The following HEXB variants were observed in gnomAD, a reference collection of about 807,000 sequenced individuals.
The protein encoded by HEXB is beta-hexosaminidase subunit beta.
HEXB carries 51 observed loss-of-function variants against 71.2 expected under a neutral mutation model. The ratio of observed to expected loss-of-function variants is 0.72; its 90% CI spans 0.57 to 0.90. The LOEUF (loss-of-function observed/expected upper bound fraction) is 0.90. HEXB is among the 40% of genes least tolerant of loss of function. HEXB has a pLI of 0.00. For missense variants in HEXB, 617 were observed against 677.0 expected (o/e 0.91, Z 0.98); for synonymous variants, 266 against 249.3 (o/e 1.07, Z -0.63).
intron 5 of HEXB, among the ~76,000 whole-genome samples, chr5:74,704,254 A>C (rs188720166): frequency 6.6e-6 from 1 of 152,288 alleles, no homozygotes; most frequent in East Asian, 1.9e-4. Flanking sequence ...ATTTATCTGC[A>C]CAATCCCCTT....
chr5:74,689,146 C>T (rs921521923), intron 1 of HEXB, among the ~76,000 whole-genome samples, 182 bp from the exon 2 acceptor site: 4 of 152,116 alleles, frequency 2.6e-5, no homozygotes, highest in African/African-American at 7.2e-5. Context: ...AAGGCATGGA[C>T]GTTGGGATTT....
chr5:74,670,348 G>A (rs1167415984), intron 1 of HEXB, among the ~76,000 whole-genome samples: 1 of 151,880 alleles, frequency 6.6e-6, no homozygotes, highest in Non-Finnish European at 1.5e-5. Context: ...CTTCAGGCGG[G>A]GGACCACCCT....
chr5:74,651,287 T>C (rs1489715754), intron 1 of HEXB, among the ~76,000 whole-genome samples: 1 of 152,220 alleles, frequency 6.6e-6, no homozygotes, highest in Non-Finnish European at 1.5e-5. Context: ...TTAGACTACC[T>C]CTGTCTTTTC....
chr5:74,641,786 C>T lies in HEXB; in HGVS notation c.-377+1228C>T, dbSNP rs909878813. ...TTCCACTGGGAGTTAAAATATCTGT[C>T]TTTTATTCGGTATTTGGAGCTAAGT... is the stretch of plus-strand genomic sequence containing the variant. On this transcript the variant is annotated intron_variant, in intron 1 of 13. Coordinates refer to the HEXB transcript ENST00000511181. This position sits in a 1 kb window ranked among gnomAD's most constrained non-coding sequence, Gnocchi z 4.1. Among the ~76,000 whole-genome samples, 1 of 152,130 alleles carries T rather than the reference C, an allele frequency of 6.6e-6. No homozygotes were observed. Among genetic ancestry groups the T allele is most frequent in the Non-Finnish European group, 1.5e-5 (1 of 68,012 alleles).
At position 74,715,628 on chromosome 5, in the gene HEXB, TAGTG is replaced by T. The variant is rs776476415; in HGVS notation, c.1023_1026del (p.Ser341ArgfsTer30). Reference sequence around the variant, plus strand: ...TCCTTACTACATTTTTCAAAGAAATTAGTGAGGTGTTTCCAGATCAATTCATTCA... The same window carrying T: ...TCCTTACTACATTTTTCAAAGAAATTAGGTGTTTCCAGATCAATTCATTCA... On this transcript the variant is annotated frameshift_variant, in exon 8 of 14. Transcript: ENST00000261416. LOFTEE classifies it high-confidence loss of function. 24 of 1,610,400 alleles carry T rather than the reference TAGTG, an allele frequency of 1.5e-5. No individual in the cohort carries two copies. In the Admixed American group the frequency reaches 2.5e-4, roughly 17 times the overall value.
At chr5:74,693,508 G>C in intron 2 of HEXB, 131 bp from the exon 3 acceptor site, 1 of 740,658 alleles carries the variant, frequency 1.4e-6, no homozygotes, top group Non-Finnish European at 2.4e-6. Context: ...ACAGGAGGCA[G>C]TTAGAGAAAT....
At position 74,685,419 on chromosome 5, in the gene HEXB, G is replaced by A. The variant is rs1428463982; in HGVS notation, c.159G>A (p.Gly53=). The part of the protein sequence containing the change: ...ARAPSVSAKP[G]PALWPLPLLV... ...CCCCGAGCGTCTCGGCCAAGCCGGGGCCGGCGCTGTGGCCCCTGCCGCTCT... is the reference window on the plus strand; with the variant it reads ...CCCCGAGCGTCTCGGCCAAGCCGGGACCGGCGCTGTGGCCCCTGCCGCTCT... The change falls in exon 1 of 14, where the codon GGG becomes GGA. Residue 53 remains glycine, a synonymous_variant. Coordinates refer to ENST00000261416, the MANE Select transcript of HEXB (RefSeq NM_000521.4). The A allele has an allele frequency of 1.2e-6, 2 of 1,601,200 alleles. No individual in the cohort carries two copies. The highest frequency in any genetic ancestry group is 1.1e-5 in the South Asian group (1 of 89,818).
chr5:74,668,070 C>T (rs1305270966), intron 1 of HEXB, among the ~76,000 whole-genome samples: 2 of 152,298 alleles, frequency 1.3e-5, no homozygotes, highest in Middle Eastern at 3.4e-3. Context: ...CTTCAATATC[C>T]AGCCATAAAA....
chr5:74,719,301 C>T (rs1561228245), intron 11 of HEXB, among the ~76,000 whole-genome samples: 1 of 152,096 alleles, frequency 6.6e-6, no homozygotes, highest in African/African-American at 2.4e-5. Flanking sequence ...ATTGCATTAA[C>T]CTTACATGCC....
At chr5:74,706,130 C>T (rs1749381500) in intron 6 of HEXB, 1 of 152,286 alleles carries the variant, frequency 6.6e-6, no homozygotes, top group African/African-American at 2.4e-5. Context: ...CATGGTCAAC[C>T]TTGTATCACT....
intron 9 of HEXB, among the ~76,000 whole-genome samples, chr5:74,717,821 G>A (rs1032048134): frequency 6.6e-6 from 1 of 152,124 alleles, no homozygotes; most frequent in Non-Finnish European, 1.5e-5. Context: ...TTTGTGTGAT[G>A]CATTTAAGTG....
chr5:74,716,290 CAAT>C (rs1359578476), intron 8 of HEXB, among the ~76,000 whole-genome samples: 1 of 151,944 alleles, frequency 6.6e-6, no homozygotes, highest in African/African-American at 2.4e-5. Flanking sequence ...AGAGGGCAAT[CAAT>C]GATTAAATAG....
At chr5:74,687,960 ATAT>A (rs551161723) in intron 1 of HEXB, among the ~76,000 whole-genome samples, 41 of 152,312 alleles carry the variant, frequency 2.7e-4, no homozygotes, top group African/African-American at 9.1e-4. Context: ...AATCTGTAAA[ATAT>A]TATTTAAACA....
intron 1 of HEXB, among the ~76,000 whole-genome samples, chr5:74,670,751 CTT>C (rs112676225): frequency 1.3e-3 from 191 of 152,312 alleles, no homozygotes; most frequent in African/African-American, 4.3e-3. Flanking sequence ...CTGCATTCCT[CTT>C]GTTTAGATGC....
At chr5:74,711,493 C>T (rs1276304778) in intron 6 of HEXB, among the ~76,000 whole-genome samples, 2 of 152,156 alleles carry the variant, frequency 1.3e-5, no homozygotes, top group Non-Finnish European at 2.9e-5. Context: ...TCAGAGTGAA[C>T]AGGCAACCCA....
At chr5:74,646,424 C>T (rs1282668141) in intron 1 of HEXB, among the ~76,000 whole-genome samples, 1 of 152,168 alleles carries the variant, frequency 6.6e-6, no homozygotes, top group African/African-American at 2.4e-5. Context: ...GCTCTTCTTG[C>T]ACACCCAAAA....
intron 1 of HEXB, among the ~76,000 whole-genome samples, chr5:74,663,052 C>T (rs1327910143): frequency 6.6e-6 from 1 of 152,208 alleles, no homozygotes; most frequent in Non-Finnish European, 1.5e-5. Flanking sequence ...TTTTAAAGTA[C>T]ACACTTCCAA....
rs763517499 is a variant in HEXB, at chr5:74,718,976, G to A, written c.1417+5G>A. The A allele has an allele frequency of 6.2e-6, 10 of 1,613,990 alleles. No individual in the cohort carries two copies. Among genetic ancestry groups the A allele is most frequent in the South Asian group, 5.5e-5 (5 of 91,078 alleles). ...TGGAACCTCTTGATTTTGGCGGTAA[G>A]TGAAGCAGTTGGTCCAAGTGTTGTG... On this transcript the variant is annotated splice_donor_5th_base_variant and intron_variant, in intron 11 of 13. Coordinates refer to ENST00000261416, the MANE Select transcript of HEXB (RefSeq NM_000521.4).
intron 1 of HEXB, among the ~76,000 whole-genome samples, chr5:74,654,737 A>T (rs962309803): frequency 6.6e-6 from 1 of 152,132 alleles, no homozygotes; most frequent in Admixed American, 6.5e-5. Flanking sequence ...AACTAGAAAG[A>T]CATAATCGAG....
Sources: allele counts gnomAD v4.1 joint callset (sites outside exome capture counted in the v4.1 genomes callset), GRCh38; gene constraint gnomAD v4.1.1; non-coding constraint Gnocchi (gnomAD v3.1); transcripts MANE v1.5; gene names NCBI Gene and HGNC (gene_info 2026-07-23, HGNC 2026-07-21).